INSL6: variants seen among roughly 807,000 people sequenced by gnomAD.
INSL6 encodes the protein insulin-like peptide INSL6.
INSL6 carries 16 observed loss-of-function variants against 9.4 expected under a neutral mutation model. The observed-to-expected ratio is 1.70, with a 90% CI of 1.15 to 2.59. The LOEUF (loss-of-function observed/expected upper bound fraction) is 2.59, where lower values mean the gene tolerates loss of function less well. Ranked by LOEUF, INSL6 falls within the 30% of genes most tolerant of loss-of-function variation. The probability of loss-of-function intolerance (pLI) is 0.00; values close to 1 mark genes in which losing one functional copy is unlikely to be tolerated. For missense variants in INSL6, 391 were observed against 257.3 expected, an observed-to-expected ratio of 1.52 and a Z score of -3.56; for synonymous variants, 154 against 96.9, an observed-to-expected ratio of 1.59 and a Z score of -3.46.
the INSL6 span, among the ~76,000 whole-genome samples, chr9:5,063,695 G>T: frequency 6.6e-6 from 1 of 152,142 alleles, no homozygotes; most frequent in African/African-American, 2.4e-5. Flanking sequence ...TTGCATAAGA[G>T]TGTTTTGAAG....
the INSL6 span, among the ~76,000 whole-genome samples, chr9:5,017,860 A>G: frequency 6.6e-6 from 1 of 152,156 alleles, no homozygotes; most frequent in East Asian, 1.9e-4. Flanking sequence ...CTCTTGATGA[A>G]TTAATCCCTT....
chr9:5,039,820 A>C, the INSL6 span, among the ~76,000 whole-genome samples: 1 of 152,192 alleles, frequency 6.6e-6, no homozygotes, highest in Non-Finnish European at 1.5e-5. Context: ...AAAGAAATTA[A>C]GGAAACACCT....
At chr9:5,068,137 C>T in the INSL6 span, among the ~76,000 whole-genome samples, 68 of 138,048 alleles carry the variant, frequency 4.9e-4, no homozygotes, top group African/African-American at 1.8e-3. Context: ...TCCAGCCTGG[C>T]GACAGAGCGA....
chr9:5,127,983 A>ATCTT (rs1047822639), intron 3 of INSL6: 9 of 231,828 alleles, frequency 3.9e-5, no homozygotes, highest in African/African-American at 1.1e-4. Context: ...TACATCTTAA[A>ATCTT]TCTTTTCAAT....
chr9:5,185,264 A>ATT (rs764618321), intron 1 of INSL6, 50 bp downstream of exon 1: 1 of 1,610,282 alleles, frequency 6.2e-7, no homozygotes, highest in Admixed American at 1.7e-5. Flanking sequence ...AAATGCAGGA[A>ATT]TAAGAAATAT....
At chr9:5,085,778 A>C in the INSL6 span, 1 of 754,922 alleles carries the variant, frequency 1.3e-6, no homozygotes, top group Non-Finnish European at 2.5e-6. Flanking sequence ...AGTTATTATG[A>C]TGAATATTAC....
downstream of INSL6, among the ~76,000 whole-genome samples, chr9:5,160,101 G>A (rs370988049): frequency 1.1e-4 from 16 of 151,508 alleles, no homozygotes; most frequent in Middle Eastern, 3.4e-3. Flanking sequence ...ACTTGAACCC[G>A]GGGGATGGAG....
chr9:5,027,089 G>C, the INSL6 span, among the ~76,000 whole-genome samples: 6 of 152,248 alleles, frequency 3.9e-5, no homozygotes, highest in African/African-American at 1.2e-4. Flanking sequence ...CTCCAGTTCA[G>C]GGAAACTTGA....
chr9:5,108,855 G>C, the INSL6 span: 1 of 152,062 alleles, frequency 6.6e-6, no homozygotes, highest in Non-Finnish European at 1.5e-5. Flanking sequence ...TACAGGTGCC[G>C]TCACCCTTAT....
At chr9:5,086,113 T>G in the INSL6 span, 7 of 465,734 alleles carry the variant, frequency 1.5e-5, no homozygotes, top group African/African-American at 1.4e-4. Flanking sequence ...TGCGCGGGCA[T>G]CGGCAGCGGC....
At chr9:5,183,789 G>A (rs191824914) in intron 1 of INSL6, among the ~76,000 whole-genome samples, 2 of 152,090 alleles carry the variant, frequency 1.3e-5, no homozygotes, top group African/African-American at 4.8e-5. Context: ...AAAAAAGAGA[G>A]AGACAGACAG....
rs1824020343 is a variant in INSL6 at position 5,126,684 on chromosome 9, A to G, written c.*11-2173T>C. 2.5e-6 allele frequency: 4 copies of G among 1,600,236 alleles called. No homozygotes were observed. In the South Asian group the frequency reaches 3.3e-5, roughly 13 times the overall value. On this transcript the variant is annotated intron_variant, in intron 3 of 3. Transcript: ENST00000649639. ...TTTTGGTTTATTTTCTCCTTTACAG[A>G]TCTATATGATCATGACAGAATGCTG...
the INSL6 span, among the ~76,000 whole-genome samples, chr9:5,023,657 G>A: frequency 3.3e-5 from 5 of 152,110 alleles, no homozygotes; most frequent in Non-Finnish European, 7.4e-5. Flanking sequence ...AATCCCGGCT[G>A]GGCAGGCTGT....
At chr9:5,060,910 G>C in the INSL6 span, among the ~76,000 whole-genome samples, 2 of 152,184 alleles carry the variant, frequency 1.3e-5, no homozygotes, top group African/African-American at 4.8e-5. Context: ...ATTACTCCTT[G>C]ACCCATGGGC....
intron 2 of INSL6, among the ~76,000 whole-genome samples, chr9:5,158,367 A>G (rs1824860166): frequency 6.6e-6 from 1 of 152,226 alleles, no homozygotes; most frequent in South Asian, 2.1e-4. Flanking sequence ...AGTGAATTTA[A>G]GAAGGTTAGA....
At chr9:5,111,361 C>A in the INSL6 span, 1 of 410,240 alleles carries the variant, frequency 2.4e-6, no homozygotes, top group South Asian at 2.0e-5. Flanking sequence ...CGGTACTACC[C>A]CTCCTACGCC....
At chr9:5,025,190 C>G in the INSL6 span, among the ~76,000 whole-genome samples, 233 of 152,138 alleles carry the variant, frequency 1.5e-3, no homozygotes, top group Non-Finnish European at 2.7e-3. Flanking sequence ...ACTACCTACT[C>G]CACCATTTTC....
chr9:5,138,839 G>A (rs1382826609), intron 2 of INSL6, among the ~76,000 whole-genome samples: 1 of 151,916 alleles, frequency 6.6e-6, no homozygotes, highest in Non-Finnish European at 1.5e-5. Flanking sequence ...TGCAAAAAGT[G>A]CCTCTTTTTT....
At chr9:5,104,670 G>A in the INSL6 span, among the ~76,000 whole-genome samples, 64 of 152,232 alleles carry the variant, frequency 4.2e-4, no homozygotes, top group African/African-American at 1.5e-3. Context: ...TAAAATACTG[G>A]CAAACCCAAT....
Sources: allele counts gnomAD v4.1 joint callset (sites outside exome capture counted in the v4.1 genomes callset), GRCh38; gene constraint gnomAD v4.1.1; transcripts MANE v1.5; gene names NCBI Gene and HGNC (gene_info 2026-07-23, HGNC 2026-07-21).